MLLT1: variants seen among roughly 807,000 people sequenced by gnomAD.
MLLT1 encodes the protein protein ENL.
A neutral mutation model predicts 55.1 loss-of-function variants in MLLT1; 11 were observed. The observed-to-expected ratio is 0.20, with a 90% confidence interval of 0.13 to 0.33. MLLT1 has a LOEUF of 0.33. Among genes scored for constraint, MLLT1 ranks in the 10% least tolerant of loss-of-function variants. The pLI, the probability that MLLT1 is intolerant of heterozygous loss-of-function variation, is 1.00. For synonymous variants in MLLT1, 323 were observed against 320.1 expected (o/e 1.01, Z -0.10); for missense variants, 536 against 760.6 (o/e 0.70, Z 3.47).
intron 1 of MLLT1, among the ~76,000 whole-genome samples, chr19:6,272,773 G>C (rs1276484226): frequency 6.6e-6 from 1 of 152,212 alleles, no homozygotes; most frequent in Non-Finnish European, 1.5e-5. Context: ...GGAGACGGCA[G>C]GGCCATGGTG....
chr19:6,234,198 T>C (rs767658377), intron 3 of MLLT1, among the ~76,000 whole-genome samples: 31 of 152,204 alleles, frequency 2.0e-4, no homozygotes, highest in Non-Finnish European at 4.4e-4. Flanking sequence ...AACAGTGGCA[T>C]GGACTGCGGT....
intron 8 of MLLT1, among the ~76,000 whole-genome samples, chr19:6,215,122 G>C (rs1054625353): frequency 1.7e-4 from 26 of 151,960 alleles, no homozygotes; most frequent in African/African-American, 6.3e-4. Context: ...AGCAGACCAG[G>C]GTGTGCAGAA....
At chr19:6,214,284 C>A (rs11673633) in intron 8 of MLLT1, among the ~76,000 whole-genome samples, 61 of 152,082 alleles carry the variant, frequency 4.0e-4, no homozygotes, top group African/African-American at 1.4e-3. Context: ...GCCAAGAGTG[C>A]TCCGGGATAC....
At position 6,235,897 on chromosome 19, in the gene MLLT1, C is replaced by CCTG. The variant is rs1340081041; in HGVS notation, c.277-5187_277-5185dup. ...TGACCCCCACCCGCCCTTATCCCGGCCTGCTGCTGTCCCCAGGCACAGAGC... is the reference window on the plus strand; with the variant it reads ...TGACCCCCACCCGCCCTTATCCCGGCCTGCTGCTGCTGTCCCCAGGCACAGAGC... On this transcript the variant is annotated intron_variant, in intron 3 of 11. Coordinates refer to ENST00000252674, the MANE Select transcript of MLLT1 (RefSeq NM_005934.4). This position sits in a 1 kb window ranked among gnomAD's most constrained non-coding sequence, Gnocchi z 5.5. 6.6e-6 allele frequency among the ~76,000 whole-genome samples: 1 copy of CCTG among 152,102 alleles called. No homozygotes were observed. The highest frequency in any genetic ancestry group is 1.5e-5 in the Non-Finnish European group (1 of 68,014).
chr19:6,270,579 C>A lies in MLLT1; in HGVS notation c.193G>T (p.Val65Leu), dbSNP rs781772134. 6.2e-7 allele frequency: 1 copy of A among 1,608,916 alleles called. No individual in the cohort carries two copies. The highest frequency in any genetic ancestry group is 8.5e-7 in the Non-Finnish European group (1 of 1,177,426). ...GCACTCAGGGCTTGAGGCCACTCAC[C>A]GCGTCTGGGCTTGGGGAAGCTGTCG... The part of the protein sequence containing the change: ...LHDSFPKPRR[V>L]CKEPPYKVEE... The change falls in exon 2 of 12, where the codon GTG becomes TTG. Residue 65 changes from valine (V) to leucine (L), a missense_variant and splice_region_variant. By Grantham distance (32) the Val-to-Leu change is conservative. Coordinates refer to ENST00000252674, the MANE Select transcript of MLLT1 (RefSeq NM_005934.4). This position sits in a 1 kb window ranked among gnomAD's most constrained non-coding sequence, Gnocchi z 7.1.
chr19:6,213,809 C>T lies in MLLT1; in HGVS notation c.1408-12G>A. ...CTCCGGCCTGACACCTGCAGGGAAC[C>T]CAGGTCTCTGCTGAGCTGTGGCCCA... is the stretch of plus-strand genomic sequence containing the variant. On this transcript the variant is annotated splice_polypyrimidine_tract_variant and intron_variant, in intron 9 of 11. Transcript: ENST00000252674. 1 of 1,612,886 alleles carries T rather than the reference C, an allele frequency of 6.2e-7. No homozygotes were observed.
chr19:6,279,574 G>C (rs1409870895), intron 1 of MLLT1, among the ~76,000 whole-genome samples, 199 bp downstream of exon 1: 6 of 151,740 alleles, frequency 4.0e-5, no homozygotes, highest in Middle Eastern at 3.4e-3. Flanking sequence ...GTCCCGAAGG[G>C]TGTCCGAGGC....
At position 6,269,645 on chromosome 19, in the gene MLLT1, G is replaced by A. The variant is rs555293624; in HGVS notation, c.193+934C>T. Among the ~76,000 whole-genome samples, 6 of 152,154 alleles carry A rather than the reference G, an allele frequency of 3.9e-5. No homozygotes were observed. In the South Asian group the frequency reaches 8.3e-4, roughly 21 times the overall value. The stretch of plus-strand genomic sequence containing the variant: ...GCCAGGGTCCTGGGTCCCGGGTCCC[G>A]GGAAGCTCTTGCTTCAACCTAAGCA... On this transcript the variant is annotated intron_variant, in intron 2 of 11. Transcript: ENST00000252674.
At chr19:6,228,315 C>A (rs2090973169) in intron 4 of MLLT1, among the ~76,000 whole-genome samples, 1 of 152,212 alleles carries the variant, frequency 6.6e-6, no homozygotes, top group South Asian at 2.1e-4. Flanking sequence ...TGGTAATTTA[C>A]CTTCTTTCCC....
At chr19:6,268,531 T>C (rs2091367834) in intron 2 of MLLT1, among the ~76,000 whole-genome samples, 1 of 152,204 alleles carries the variant, frequency 6.6e-6, no homozygotes, top group African/African-American at 2.4e-5. Context: ...TGTGATAATG[T>C]AAGCTGGGGC....
intron 3 of MLLT1, among the ~76,000 whole-genome samples, chr19:6,234,804 A>G (rs2091044406): frequency 6.6e-6 from 1 of 152,220 alleles, no homozygotes; most frequent in South Asian, 2.1e-4. Flanking sequence ...AGAGTGCTTG[A>G]ATGAAAAGGG....
chr19:6,230,471 CGGCCCCCAGCACCGACACCTCT>C lies in MLLT1; in HGVS notation c.420+77_420+98del. 1 of 1,458,788 alleles carries C rather than the reference CGGCCCCCAGCACCGACACCTCT, an allele frequency of 6.9e-7. No individual in the cohort carries two copies. Among genetic ancestry groups the C allele is most frequent in the Non-Finnish European group, 9.3e-7 (1 of 1,079,674 alleles). 90.4% of individuals were successfully genotyped at this position (1,458,788 alleles called of 1,614,324 possible). A position where few individuals can be genotyped will look rare whatever the true frequency, so the allele number is the denominator to read the frequency against. On this transcript the variant is annotated intron_variant, in intron 4 of 11. Coordinates refer to ENST00000252674, the MANE Select transcript of MLLT1 (RefSeq NM_005934.4). The surrounding 1 kb of genome is among the most constrained non-coding windows in gnomAD (Gnocchi z 9.0). ...GCCGTGTGACCTGCGCCTTGGGTCTCGGCCCCCAGCACCGACACCTCTGGCTGGGCACAGACGGCCGCAGCAA... is the reference window on the plus strand; with the variant it reads ...GCCGTGTGACCTGCGCCTTGGGTCTCGGCTGGGCACAGACGGCCGCAGCAA...
chr19:6,225,704 T>G (rs1315241440), intron 5 of MLLT1, among the ~76,000 whole-genome samples: 1 of 152,002 alleles, frequency 6.6e-6, no homozygotes, highest in African/African-American at 2.4e-5. Context: ...AGCTGGGGCC[T>G]CCAGGGGTCT....
chr19:6,212,823 C>T lies in MLLT1; in HGVS notation c.*219G>A, dbSNP rs892538516. The T allele has an allele frequency of 2.4e-4, 216 of 890,696 alleles. No individual in the cohort carries two copies. Among genetic ancestry groups the T allele is most frequent in the Non-Finnish European group, 3.1e-4 (196 of 637,636 alleles). The allele number at this position is 890,696 out of a possible 1,614,324, so 55.2% of individuals were successfully genotyped here. ...AGGGGAGCCCAGAGAGCCCGGGGGG[C>T]GGCTCCCGTGTGGCCCAGCCCGGCC... On this transcript the variant is annotated 3_prime_UTR_variant, in exon 12 of 12. Coordinates refer to ENST00000252674, the MANE Select transcript of MLLT1 (RefSeq NM_005934.4).
intron 1 of MLLT1, among the ~76,000 whole-genome samples, chr19:6,271,223 C>A (rs2091392993): frequency 6.6e-6 from 1 of 152,232 alleles, no homozygotes; most frequent in African/African-American, 2.4e-5. Flanking sequence ...AGAGGATGCT[C>A]TTCCGAGCAC....
intron 3 of MLLT1, among the ~76,000 whole-genome samples, chr19:6,251,346 A>G (rs2091212473): frequency 6.6e-6 from 1 of 152,202 alleles, no homozygotes; most frequent in East Asian, 1.9e-4. Flanking sequence ...ATTTGGACAT[A>G]CAACGGCTAG....
chr19:6,214,503 A>G (rs1339360605), intron 8 of MLLT1, among the ~76,000 whole-genome samples: 1 of 152,166 alleles, frequency 6.6e-6, no homozygotes, highest in Non-Finnish European at 1.5e-5. Context: ...GGCCTCCATC[A>G]GTCACATCGG....
intron 2 of MLLT1, among the ~76,000 whole-genome samples, chr19:6,265,445 C>A (rs1000561414): frequency 2.0e-5 from 3 of 152,028 alleles, no homozygotes; most frequent in Non-Finnish European, 4.4e-5. Flanking sequence ...CTGAGGAAGG[C>A]GAATCACCTG....
intron 1 of MLLT1, among the ~76,000 whole-genome samples, chr19:6,278,831 G>A (rs1034160725): frequency 6.6e-6 from 1 of 152,164 alleles, no homozygotes; most frequent in African/African-American, 2.4e-5. Context: ...AGACAGCCCC[G>A]CCGGGTCCGA....
Sources: allele counts gnomAD v4.1 joint callset (sites outside exome capture counted in the v4.1 genomes callset), GRCh38; gene constraint gnomAD v4.1.1; non-coding constraint Gnocchi (gnomAD v3.1); transcripts MANE v1.5; gene names NCBI Gene and HGNC (gene_info 2026-07-23, HGNC 2026-07-21).